Variants in TRPM7 observed in about 807,000 individuals in gnomAD.
TRPM7 encodes the protein LTRPC ion channel family member 7.
A neutral mutation model predicts 229.7 loss-of-function variants in TRPM7; 134 were observed. The observed-to-expected ratio is 0.58, with a 90% CI of 0.51 to 0.67. The LOEUF (loss-of-function observed/expected upper bound fraction) is 0.67, where lower values mean the gene tolerates loss of function less well. Among genes scored for constraint, TRPM7 ranks in the 30% least tolerant of loss-of-function variants. The pLI is 0.00. For synonymous variants in TRPM7, 699 were observed against 715.2 expected, an observed-to-expected ratio of 0.98 and a Z score of 0.36; for missense variants, 1,901 against 2,210.0, an observed-to-expected ratio of 0.86 and a Z score of 2.80.
chr15:50,679,922 T>C (rs1279822658), intron 1 of TRPM7, among the ~76,000 whole-genome samples: 3 of 152,122 alleles, frequency 2.0e-5, no homozygotes, highest in Non-Finnish European at 4.4e-5. Context: ...CCCCAGAGTA[T>C]GTGTCTCTGC....
chr15:50,582,669 G>A lies in TRPM7; in HGVS notation c.4557+420C>T, dbSNP rs1212619181. 2.6e-5 allele frequency among the ~76,000 whole-genome samples: 4 copies of A among 152,160 alleles called. No homozygotes were observed. In the South Asian group the frequency reaches 8.3e-4, roughly 32 times the overall value. On this transcript the variant is annotated intron_variant, in intron 29 of 38. Transcript: ENST00000646667. ...CTCTATGCCAGAACAGATATATTTTGAATGTAAGTCAATATTTTCTTGAGC... is the reference window on the plus strand; with the variant it reads ...CTCTATGCCAGAACAGATATATTTTAAATGTAAGTCAATATTTTCTTGAGC...
rs1222088722 is a variant in TRPM7 at position 50,561,714 on chromosome 15, T to C, written c.5562A>G (p.Glu1854=). The part of the protein sequence containing the change: ...LNLQPGNSTK[E]SESTNSVRLM... ...GACGAACAGAATTAGTTGATTCTGATTCTTTGGTGGAATTTCCAGGCTGAA... is the reference window on the plus strand; with the variant it reads ...GACGAACAGAATTAGTTGATTCTGACTCTTTGGTGGAATTTCCAGGCTGAA... The change falls in exon 39 of 39, where the codon GAA becomes GAG. Residue 1854 remains glutamate, a synonymous_variant. Transcript: ENST00000646667. 1 of 1,611,090 alleles carries C rather than the reference T, an allele frequency of 6.2e-7. No individual in the cohort carries two copies. Among genetic ancestry groups the C allele is most frequent in the Admixed American group, 1.7e-5 (1 of 59,260 alleles).
intron 12 of TRPM7, among the ~76,000 whole-genome samples, chr15:50,620,950 T>G (rs2060380415): frequency 6.7e-6 from 1 of 148,644 alleles, no homozygotes; most frequent in South Asian, 2.1e-4. Flanking sequence ...AGTAAAAAAT[T>G]TAAAAAATTC....
intron 6 of TRPM7, among the ~76,000 whole-genome samples, chr15:50,638,315 C>T (rs1402103223): frequency 7.8e-6 from 1 of 128,492 alleles, no homozygotes; most frequent in South Asian, 2.6e-4. Context: ...GCCGAGATCG[C>T]GCCACTGCAC....
chr15:50,584,586 T>A (rs1225460807), intron 28 of TRPM7, among the ~76,000 whole-genome samples: 1 of 151,966 alleles, frequency 6.6e-6, no homozygotes, highest in East Asian at 1.9e-4. Context: ...TTACTAGAAA[T>A]GCTTGGGATC....
chr15:50,604,206 A>G (rs1408554708), intron 21 of TRPM7: 1 of 152,200 alleles, frequency 6.6e-6, no homozygotes, highest in African/African-American at 2.4e-5. Flanking sequence ...AGATAAGACT[A>G]AGGAAAAGAG....
chr15:50,608,085 AAAG>A (rs1566997998), intron 19 of TRPM7, among the ~76,000 whole-genome samples: 1 of 150,030 alleles, frequency 6.7e-6, no homozygotes, highest in African/African-American at 2.4e-5. Context: ...GAAAGAAAGA[AAAG>A]AAAAGAAAAA....
At chr15:50,686,153 G>A (rs561715974) in intron 1 of TRPM7, among the ~76,000 whole-genome samples, 2 of 152,334 alleles carry the variant, frequency 1.3e-5, no homozygotes, top group South Asian at 2.1e-4. Context: ...CTGGCGCCAG[G>A]AGGACCGTGC....
At chr15:50,659,142 G>T (rs2061663317) in intron 2 of TRPM7, among the ~76,000 whole-genome samples, 1 of 150,886 alleles carries the variant, frequency 6.6e-6, no homozygotes. Context: ...AGCTTGCAGT[G>T]AGACTACGCC....
intron 1 of TRPM7, among the ~76,000 whole-genome samples, chr15:50,681,349 T>C (rs971556758): frequency 1.3e-5 from 2 of 151,772 alleles, no homozygotes; most frequent in South Asian, 4.1e-4. Context: ...AATGCAAAAA[T>C]GTGCCTAAAG....
chr15:50,662,177 C>T (rs917793242), intron 2 of TRPM7, among the ~76,000 whole-genome samples: 3 of 152,136 alleles, frequency 2.0e-5, no homozygotes, highest in African/African-American at 7.2e-5. Context: ...CATGGTGAAA[C>T]CCCATCTCTA....
intron 13 of TRPM7, among the ~76,000 whole-genome samples, chr15:50,618,151 C>T (rs950617905): frequency 9.2e-5 from 14 of 152,002 alleles, no homozygotes; most frequent in Non-Finnish European, 1.9e-4. Flanking sequence ...TGGTGATAAA[C>T]GTTTAAAACT....
intron 1 of TRPM7, among the ~76,000 whole-genome samples, chr15:50,671,081 T>C (rs1418048685): frequency 6.6e-6 from 1 of 152,212 alleles, no homozygotes; most frequent in Non-Finnish European, 1.5e-5. Context: ...ACTTAAAATA[T>C]ACTCTTAGTA....
At chr15:50,655,636 A>G (rs1330771632) in intron 3 of TRPM7, among the ~76,000 whole-genome samples, 1 of 152,184 alleles carries the variant, frequency 6.6e-6, no homozygotes, top group Non-Finnish European at 1.5e-5. Context: ...ACAGGAAGAC[A>G]ACTACTGTAT....
intron 13 of TRPM7, among the ~76,000 whole-genome samples, chr15:50,618,569 C>A (rs1596213624): frequency 7.0e-6 from 1 of 141,974 alleles, no homozygotes; most frequent in Admixed American, 7.4e-5. Flanking sequence ...GATTCCGTCT[C>A]AATAAATAAA....
At chr15:50,569,739 C>A (rs370442170) in intron 38 of TRPM7, 148 bp downstream of exon 38, 6 of 476,542 alleles carry the variant, frequency 1.3e-5, no homozygotes, top group African/African-American at 2.0e-5. Flanking sequence ...TCATTTATAA[C>A]CAACAATATG....
chr15:50,631,394 T>C, intron 10 of TRPM7, 23 bp downstream of exon 10: 1 of 1,527,798 alleles, frequency 6.5e-7, no homozygotes, highest in South Asian at 1.1e-5. Flanking sequence ...GTCTTACAAA[T>C]AAAAAAGTTC....
chr15:50,583,178 A>G lies in TRPM7; in HGVS notation c.4487-19T>C. On this transcript the variant is annotated intron_variant, in intron 28 of 38. Coordinates refer to ENST00000646667, the MANE Select transcript of TRPM7 (RefSeq NM_017672.6). ...TTTTCTGCTAAAAGAAAATTAAAAA[A>G]TATAAAAAAGCTACACAACTGAAGT... 6.3e-7 allele frequency: 1 copy of G among 1,576,712 alleles called. No homozygotes were observed. The highest frequency in any genetic ancestry group is 8.6e-7 in the Non-Finnish European group (1 of 1,157,842).
intron 16 of TRPM7, 112 bp downstream of exon 16, chr15:50,612,437 A>G (rs1411898811): frequency 2.5e-6 from 2 of 789,988 alleles, no homozygotes; most frequent in Non-Finnish European, 3.7e-6. Flanking sequence ...TTGTACCAAT[A>G]AGATTATACA....
Sources: allele counts gnomAD v4.1 joint callset (sites outside exome capture counted in the v4.1 genomes callset), GRCh38; gene constraint gnomAD v4.1.1; transcripts MANE v1.5; gene names NCBI Gene and HGNC (gene_info 2026-07-23, HGNC 2026-07-21).